RAF1: variants seen among roughly 807,000 people sequenced by gnomAD.
RAF1 encodes Raf-1 proto-oncogene, serine/threonine kinase.
In RAF1, 27 loss-of-function variants were observed where a neutral mutation model predicts 81.1. The observed-to-expected ratio is 0.33, with a 90% confidence interval of 0.25 to 0.46. RAF1 has a LOEUF of 0.46. RAF1 is among the 20% of genes least tolerant of loss of function. The pLI is 1.00. For missense variants in RAF1, 598 were observed against 826.0 expected (o/e 0.72, Z 3.38); for synonymous variants, 298 against 294.0 (o/e 1.01, Z -0.14).
intron 1 of RAF1, among the ~76,000 whole-genome samples, chr3:12,649,671 CCTG>C (rs2060461616): frequency 6.6e-6 from 1 of 151,936 alleles, no homozygotes. Flanking sequence ...TAAATTATAC[CCTG>C]CTATTTTGCC....
intron 1 of RAF1, among the ~76,000 whole-genome samples, chr3:12,648,286 TAA>T (rs34585793): frequency 0.046 from 5,678 of 124,160 alleles, 168 homozygotes; most frequent in African/African-American, 0.089. Context: ...ACAGCGAAGT[TAA>T]AAAAAAAAAA....
chr3:12,635,502 G>A (rs544683939), intron 1 of RAF1, among the ~76,000 whole-genome samples: 3 of 151,630 alleles, frequency 2.0e-5, no homozygotes, highest in Admixed American at 1.3e-4. Context: ...CCGGTGTGGT[G>A]GAACACATCT....
Position 12,587,837 on chromosome 3 carries a change from C to CTTTTTT in RAF1, c.1431-206_1431-201dup, listed in dbSNP as rs374515740. 880 of 194,520 alleles carry CTTTTTT rather than the reference C, an allele frequency of 4.5e-3. 6 individuals carry two copies. The highest frequency in any genetic ancestry group is 7.2e-3 in the South Asian group (114 of 15,878). 12.0% of individuals were successfully genotyped at this position (194,520 alleles called of 1,614,324 possible). A position where few individuals can be genotyped will look rare whatever the true frequency, so the allele number is the denominator to read the frequency against. On this transcript the variant is annotated intron_variant, in intron 13 of 17. Transcript: ENST00000442415. The stretch of plus-strand genomic sequence containing the variant: ...GGCCACAGCACAAACATGCTTACAC[C>CTTTTTT]TTTTTTTTTTTTTTTTTGGAGACTG...
At position 12,598,233 on chromosome 3, in the gene RAF1, A is replaced by G. The variant is rs535069991; in HGVS notation, c.1168+1458T>C. Among the ~76,000 whole-genome samples the G allele has an allele frequency of 3.1e-3, 465 of 151,188 alleles. 3 individuals carry two copies. Among genetic ancestry groups the G allele is most frequent in the African/African-American group, 0.011 (433 of 41,186 alleles). On this transcript the variant is annotated intron_variant, in intron 11 of 17. Coordinates refer to ENST00000442415, the MANE Select transcript of RAF1 (RefSeq NM_001354689.3). ...ACGATGTTGCCCAAGCTGTTCTTGA[A>G]CTCCTAGGCTCAAGTGTTCTGCCTG...
At chr3:12,618,892 A>AT (rs1559448644) in intron 1 of RAF1, 145 bp from the exon 2 acceptor site, 4 of 674,664 alleles carry the variant, frequency 5.9e-6, no homozygotes, top group Non-Finnish European at 1.0e-5. Flanking sequence ...AGTTTCTTTA[A>AT]TAGTACACTT....
chr3:12,619,614 G>A lies in RAF1; in HGVS notation c.-26-867C>T, dbSNP rs936324069. On this transcript the variant is annotated intron_variant, in intron 1 of 17. Transcript: ENST00000442415. The stretch of plus-strand genomic sequence containing the variant: ...CTTGGAACATGAGCCCAGGTCTCAA[G>A]ACTTCTAGTCTATTACTTTTTCAAC... 4.7e-5 allele frequency among the ~76,000 whole-genome samples: 7 copies of A among 147,718 alleles called. No homozygotes were observed. In the East Asian group the frequency reaches 1.4e-3, roughly 30 times the overall value.
chr3:12,593,786 CTT>C (rs756831846), intron 11 of RAF1, among the ~76,000 whole-genome samples: 15,592 of 110,964 alleles, frequency 0.14, 587 homozygotes, highest in Non-Finnish European at 0.21. Flanking sequence ...GGAGTAAATC[CTT>C]TTTTTTTTTT....
At position 12,584,241 on chromosome 3, in the gene RAF1, C is replaced by T. The variant is rs1387849241; in HGVS notation, c.*273G>A. On this transcript the variant is annotated 3_prime_UTR_variant, in exon 18 of 18. Transcript: ENST00000442415. ...TGCTTTTTGTACTACCATCAACATC[C>T]ACTTGCGCATCTACAGAAGGCTGGG... The T allele has an allele frequency of 4.0e-6, 2 of 506,040 alleles. No individual in the cohort carries two copies. Among genetic ancestry groups the T allele is most frequent in the South Asian group, 4.3e-5 (2 of 46,194 alleles). The allele number at this position is 506,040 out of a possible 1,614,324, so 31.3% of individuals were successfully genotyped here.
intron 1 of RAF1, among the ~76,000 whole-genome samples, chr3:12,661,579 T>C (rs1187968304): frequency 6.6e-6 from 1 of 151,912 alleles, no homozygotes; most frequent in Non-Finnish European, 1.5e-5. Flanking sequence ...TGGTGGAGTG[T>C]GCCTACCCAG....
intron 2 of RAF1, among the ~76,000 whole-genome samples, chr3:12,617,677 G>C (rs2059415145): frequency 6.6e-6 from 1 of 152,020 alleles, no homozygotes; most frequent in South Asian, 2.1e-4. Context: ...CCTGAGGTCA[G>C]GAGTTTGAGA....
intron 1 of RAF1, among the ~76,000 whole-genome samples, chr3:12,654,006 T>C (rs112572926): frequency 7.9e-5 from 12 of 151,438 alleles, no homozygotes; most frequent in Admixed American, 5.3e-4. Context: ...TTTTTTTTTT[T>C]CAAGAGACAG....
At chr3:12,600,944 A>C (rs2058844439) in intron 8 of RAF1, among the ~76,000 whole-genome samples, 1 of 152,236 alleles carries the variant, frequency 6.6e-6, no homozygotes, top group African/African-American at 2.4e-5. Flanking sequence ...TACTCTTTCA[A>C]GGGAAGCTAG....
At chr3:12,591,187 TCAGTGC>T (rs1384940341) in intron 12 of RAF1, among the ~76,000 whole-genome samples, 1 of 152,154 alleles carries the variant, frequency 6.6e-6, no homozygotes, top group Non-Finnish European at 1.5e-5. Flanking sequence ...GGCCATCAGT[TCAGTGC>T]CAGCCTTGCT....
intron 1 of RAF1, among the ~76,000 whole-genome samples, chr3:12,645,116 A>T (rs951911959): frequency 6.6e-6 from 1 of 151,674 alleles, no homozygotes; most frequent in Non-Finnish European, 1.5e-5. Context: ...AAAAAAAAAA[A>T]AAAAATAAGG....
chr3:12,639,099 T>A (rs908330030), intron 1 of RAF1, among the ~76,000 whole-genome samples: 1 of 151,896 alleles, frequency 6.6e-6, no homozygotes, highest in African/African-American at 2.4e-5. Context: ...ATCCATCATA[T>A]AAACAGAACC....
intron 11 of RAF1, among the ~76,000 whole-genome samples, chr3:12,596,664 A>G (rs2058695628): frequency 6.6e-6 from 1 of 152,198 alleles, no homozygotes; most frequent in South Asian, 2.1e-4. Context: ...AAAATCTTCA[A>G]TCAAAATCAT....
At chr3:12,638,239 C>T (rs1159158664) in intron 1 of RAF1, among the ~76,000 whole-genome samples, 1 of 152,170 alleles carries the variant, frequency 6.6e-6, no homozygotes, top group East Asian at 1.9e-4. Flanking sequence ...GAGTTATTTA[C>T]TGAATGAGTA....
chr3:12,588,341 A>C (rs1399005490), intron 13 of RAF1: 3 of 152,332 alleles, frequency 2.0e-5, no homozygotes. Context: ...AGCATCACTT[A>C]ACGGCAGGGA....
intron 1 of RAF1, among the ~76,000 whole-genome samples, chr3:12,657,768 C>CAA (rs1164317182): frequency 2.4e-5 from 3 of 126,934 alleles, no homozygotes; most frequent in Admixed American, 8.1e-5. Context: ...CAAAACATCT[C>CAA]AAAAAAAAAA....
Sources: allele counts gnomAD v4.1 joint callset (sites outside exome capture counted in the v4.1 genomes callset), GRCh38; gene constraint gnomAD v4.1.1; transcripts MANE v1.5; gene names NCBI Gene and HGNC (gene_info 2026-07-23, HGNC 2026-07-21).